The following APBA1 variants were observed in gnomAD, a reference collection of about 807,000 sequenced individuals.
APBA1 encodes amyloid-beta A4 precursor protein-binding family A member 1.
A neutral mutation model predicts 86.6 loss-of-function variants in APBA1; 55 were observed. The observed-to-expected ratio is 0.64, with a 90% CI of 0.51 to 0.80. APBA1 has a LOEUF of 0.80. Among genes scored for constraint, APBA1 ranks in the 30% least tolerant of loss-of-function variants. APBA1 has a pLI of 0.00. For missense variants in APBA1, 1,090 were observed against 1,183.0 expected (o/e 0.92, Z 1.15); for synonymous variants, 511 against 493.9 (o/e 1.03, Z -0.46).
intron 1 of APBA1, among the ~76,000 whole-genome samples, chr9:69,644,641 C>T (rs1823355174): frequency 6.6e-6 from 1 of 152,152 alleles, no homozygotes; most frequent in Non-Finnish European, 1.5e-5. Flanking sequence ...CAGATGGGAC[C>T]CCAAGAGCTT....
Position 69,516,294 on chromosome 9 carries a change from G to T in APBA1, c.917C>A (p.Pro306Gln). 1 of 1,531,152 alleles carries T rather than the reference G, an allele frequency of 6.5e-7. No homozygotes were observed. Among genetic ancestry groups the T allele is most frequent in the Non-Finnish European group, 8.7e-7 (1 of 1,146,350 alleles). The allele number at this position is 1,531,152 out of a possible 1,614,324, so 94.8% of individuals were successfully genotyped here. A position where few individuals can be genotyped will look rare whatever the true frequency, so the allele number is the denominator to read the frequency against. ...AEQDLERPPT[P>Q]AGGRPDSPGL... Reference sequence around the variant, plus strand: ...GGGGCTGTCGGGGCGACCCCCGGCCGGGGTAGGGGGACGCTCCAGGTCCTG... The same window carrying T: ...GGGGCTGTCGGGGCGACCCCCGGCCTGGGTAGGGGGACGCTCCAGGTCCTG... The change falls in exon 2 of 13, where the codon CCG becomes CAG. Residue 306 changes from proline (P) to glutamine (Q), a missense_variant. Pro to Gln is a moderately conservative substitution (Grantham distance 76). This residue lies in a region of APBA1 where 678 missense variants were observed against 647.1 expected (regional missense o/e 1.05). Transcript: ENST00000265381. The surrounding 1 kb of genome is among the most constrained non-coding windows in gnomAD (Gnocchi z 7.3).
At chr9:69,492,364 T>C (rs142285248) in intron 2 of APBA1, among the ~76,000 whole-genome samples, 1 of 152,146 alleles carries the variant, frequency 6.6e-6, no homozygotes, top group Non-Finnish European at 1.5e-5. Flanking sequence ...TCTGAACAGT[T>C]AGAAAAGTTA....
At chr9:69,569,853 T>A (rs899203530) in intron 1 of APBA1, among the ~76,000 whole-genome samples, 1 of 152,230 alleles carries the variant, frequency 6.6e-6, no homozygotes, top group African/African-American at 2.4e-5. Context: ...CCTAGGCAGA[T>A]ATGAACAGCC....
intron 10 of APBA1, among the ~76,000 whole-genome samples, chr9:69,447,918 C>T (rs981283866): frequency 1.3e-5 from 2 of 152,138 alleles, no homozygotes; most frequent in Admixed American, 6.5e-5. Context: ...CTGGGTCCCA[C>T]AGCCCCTCAG....
intron 2 of APBA1, among the ~76,000 whole-genome samples, chr9:69,505,870 T>C (rs369732676): frequency 6.6e-6 from 1 of 151,628 alleles, no homozygotes; most frequent in Non-Finnish European, 1.5e-5. Context: ...AATACAAAAA[T>C]TAGATGGGCA....
chr9:69,656,072 C>T (rs886657791), intron 1 of APBA1, among the ~76,000 whole-genome samples: 3 of 152,198 alleles, frequency 2.0e-5, no homozygotes, highest in African/African-American at 7.2e-5. Flanking sequence ...AACTTTAACA[C>T]TACTACACAC....
chr9:69,517,248 G>A lies in APBA1; in HGVS notation c.-38C>T, dbSNP rs764165206. 9 of 1,426,550 alleles carry A rather than the reference G, an allele frequency of 6.3e-6. No homozygotes were observed. The highest frequency in any genetic ancestry group is 1.5e-5 in the African/African-American group (1 of 67,260). The allele number at this position is 1,426,550 out of a possible 1,614,324, so 88.4% of individuals were successfully genotyped here. A position where few individuals can be genotyped will look rare whatever the true frequency, so the allele number is the denominator to read the frequency against. ...AACGGCTAGGAGAGAAGCTGGGCCCGGCTCACTGCGCTCTCATTTTGCTCC... is the reference window on the plus strand; with the variant it reads ...AACGGCTAGGAGAGAAGCTGGGCCCAGCTCACTGCGCTCTCATTTTGCTCC... On this transcript the variant is annotated 5_prime_UTR_variant, in exon 2 of 13. Coordinates refer to ENST00000265381, the MANE Select transcript of APBA1 (RefSeq NM_001163.4).
chr9:69,620,258 CT>C (rs1235355873), intron 1 of APBA1, among the ~76,000 whole-genome samples: 1 of 152,174 alleles, frequency 6.6e-6, no homozygotes. Flanking sequence ...CATTTTCCCC[CT>C]GCAAATTGGT....
intron 8 of APBA1, among the ~76,000 whole-genome samples, chr9:69,453,636 A>G (rs1458776104): frequency 6.6e-6 from 1 of 152,254 alleles, no homozygotes; most frequent in East Asian, 1.9e-4. Flanking sequence ...TTGGAATGCA[A>G]GAGGCTCTGC....
At chr9:69,550,975 A>T (rs1836775517) in intron 1 of APBA1, among the ~76,000 whole-genome samples, 1 of 152,238 alleles carries the variant, frequency 6.6e-6, no homozygotes. Flanking sequence ...GTAAATATAC[A>T]TAAAATACAT....
chr9:69,450,568 TAC>T (rs1364963085), intron 9 of APBA1, among the ~76,000 whole-genome samples: 3 of 152,172 alleles, frequency 2.0e-5, no homozygotes, highest in African/African-American at 4.8e-5. Context: ...TGCTGAAGCT[TAC>T]AGTCAGCCCC....
chr9:69,661,871 A>G (rs1823757891), intron 1 of APBA1, among the ~76,000 whole-genome samples: 1 of 152,004 alleles, frequency 6.6e-6, no homozygotes, highest in African/African-American at 2.4e-5. Context: ...CTATGAGTGG[A>G]AGCAGCATGA....
At chr9:69,492,136 T>C (rs1835723592) in intron 2 of APBA1, among the ~76,000 whole-genome samples, 1 of 152,120 alleles carries the variant, frequency 6.6e-6, no homozygotes. Context: ...AGGGAGGTTA[T>C]TAAATGCTTA....
intron 5 of APBA1, chr9:69,464,276 T>C (rs1434301470): frequency 6.6e-6 from 1 of 152,238 alleles, no homozygotes; most frequent in Non-Finnish European, 1.5e-5. Context: ...AGCATTTTAA[T>C]GGATGTAAAA....
intron 1 of APBA1, among the ~76,000 whole-genome samples, chr9:69,565,797 G>A (rs180769359): frequency 1.7e-4 from 26 of 152,154 alleles, no homozygotes; most frequent in East Asian, 7.7e-4. Context: ...AGTCCTTACC[G>A]TTCTCCTCCC....
intron 1 of APBA1, among the ~76,000 whole-genome samples, chr9:69,617,325 C>A (rs979562916): frequency 2.0e-5 from 3 of 151,916 alleles, no homozygotes; most frequent in Non-Finnish European, 4.4e-5. Flanking sequence ...TTTAGGTTGA[C>A]AAGATTAATA....
intron 1 of APBA1, among the ~76,000 whole-genome samples, chr9:69,536,194 A>G (rs1836507076): frequency 6.7e-6 from 1 of 149,032 alleles, no homozygotes; most frequent in Non-Finnish European, 1.5e-5. Flanking sequence ...GTTTCAATGA[A>G]CCTCCTCATA....
At chr9:69,537,545 T>C (rs1303037793) in intron 1 of APBA1, among the ~76,000 whole-genome samples, 2 of 152,044 alleles carry the variant, frequency 1.3e-5, no homozygotes, top group African/African-American at 4.8e-5. Flanking sequence ...CACAATCCTC[T>C]TCTGGAAAGG....
In APBA1 at chr9:69,449,618, C is replaced by A. The variant is rs199985605; in HGVS notation, c.2147G>T (p.Gly716Val). Residue 716 changes from glycine (G) to valine (V), a missense_variant, in exon 10 of 13, where the codon GGC becomes GTC. This residue lies in a region of APBA1 where 97 missense variants were observed against 166.8 expected (regional missense o/e 0.58). Coordinates refer to ENST00000265381, the MANE Select transcript of APBA1 (RefSeq NM_001163.4). ...IMSINGTSLV[G>V]LPLSTCQSII... The stretch of plus-strand genomic sequence containing the variant: ...GCTCTGGCAGGTGGACAGAGGCAGG[C>A]CCACCAGGCTGGTGCCATTAATGGA... 1 of 1,613,828 alleles carries A rather than the reference C, an allele frequency of 6.2e-7. No individual in the cohort carries two copies. Among genetic ancestry groups the A allele is most frequent in the Non-Finnish European group, 8.5e-7 (1 of 1,180,002 alleles).
Sources: gnomAD v4.1 joint callset for allele counts (sites outside exome capture counted in the v4.1 genomes callset) on GRCh38, gnomAD v4.1.1 for gene constraint, gnomAD v4.1.1 regional missense constraint, Gnocchi (gnomAD v3.1) non-coding constraint, MANE v1.5 for transcripts, NCBI Gene and HGNC (gene_info 2026-07-23, HGNC 2026-07-21) for gene names.